CAPZB: variants seen among roughly 807,000 people sequenced by gnomAD.
CAPZB encodes capping actin protein of muscle Z-line subunit beta.
In CAPZB, 2 loss-of-function variants were observed where a neutral mutation model predicts 38.1. That is an observed-to-expected ratio of 0.05 (90% CI 0.02 to 0.17). CAPZB has a LOEUF of 0.17. Among genes scored for constraint, CAPZB ranks in the 10% least tolerant of loss-of-function variants. The probability of loss-of-function intolerance (pLI) is 1.00; values close to 1 mark genes in which losing one functional copy is unlikely to be tolerated. For synonymous variants in CAPZB, 107 were observed against 127.4 expected (o/e 0.84, Z 1.08); for missense variants, 161 against 334.2 (o/e 0.48, Z 4.04).
Position 19,357,174 on chromosome 1 carries a change from T to C in CAPZB, c.471+248A>G, listed in dbSNP as rs1403947768. ...GCCACCGTACCTGGCCTCACAATAT[T>C]GTCTTTCTTAAAAAATCTCAACTGG... On this transcript the variant is annotated intron_variant, in intron 5 of 8. Transcript: ENST00000264202. This position sits in a 1 kb window ranked among gnomAD's most constrained non-coding sequence, Gnocchi z 4.3. Among the ~76,000 whole-genome samples the C allele has an allele frequency of 6.6e-6, 1 of 152,204 alleles. No individual in the cohort carries two copies. The highest frequency in any genetic ancestry group is 1.5e-5 in the Non-Finnish European group (1 of 68,034).
chr1:19,439,475 T>C lies in CAPZB; in HGVS notation c.4-19725A>G, dbSNP rs2094468747. Among the ~76,000 whole-genome samples the C allele has an allele frequency of 2.0e-5, 3 of 152,206 alleles. 1 individual carries two copies. In the South Asian group the frequency reaches 6.2e-4, roughly 32 times the overall value. ...CCCCCGTATGAAATCCCTAAAGCACTAGGTGTTTTGACCCCTGCTTGATCT... is the reference window on the plus strand; with the variant it reads ...CCCCCGTATGAAATCCCTAAAGCACCAGGTGTTTTGACCCCTGCTTGATCT... On this transcript the variant is annotated intron_variant, in intron 1 of 8. Transcript: ENST00000264202.
rs373668258 is a variant in CAPZB at position 19,357,401 on chromosome 1, C to G, written c.471+21G>C. 3.6e-4 allele frequency: 581 copies of G among 1,613,018 alleles called. 3 individuals carry two copies. The African/African-American group carries it at 6.9e-3, about 19-fold the overall frequency. On this transcript the variant is annotated intron_variant, in intron 5 of 8. Transcript: ENST00000264202. The surrounding 1 kb of genome is among the most constrained non-coding windows in gnomAD (Gnocchi z 4.3). ...CATCTGTACTTAGTGGCCCGGGCCA[C>G]CAGCTGCTGGGAGGCAGTACCTGCA...
At chr1:19,379,464 C>T (rs1057001446) in intron 3 of CAPZB, among the ~76,000 whole-genome samples, 1 of 152,182 alleles carries the variant, frequency 6.6e-6, no homozygotes, top group African/African-American at 2.4e-5. Flanking sequence ...GGAGGCTCTA[C>T]ATAAACTTTA....
chr1:19,448,440 G>A (rs995331944), intron 1 of CAPZB, among the ~76,000 whole-genome samples: 5 of 152,160 alleles, frequency 3.3e-5, no homozygotes, highest in South Asian at 2.1e-4. Flanking sequence ...TCTGACAACC[G>A]CCTTAATCCA....
At chr1:19,455,872 G>A (rs1441529491) in intron 1 of CAPZB, among the ~76,000 whole-genome samples, 1 of 152,156 alleles carries the variant, frequency 6.6e-6, no homozygotes, top group Non-Finnish European at 1.5e-5. Context: ...GGAAAAACAA[G>A]GGCCAGTTTC....
In CAPZB at chr1:19,485,468, C is replaced by T. The variant is rs964076375; in HGVS notation, c.-30G>A. The T allele has an allele frequency of 2.4e-6, 3 of 1,229,974 alleles. No individual in the cohort carries two copies. The highest frequency in any genetic ancestry group is 1.6e-5 in the African/African-American group (1 of 64,116). 76.2% of individuals were successfully genotyped at this position (1,229,974 alleles called of 1,614,324 possible). Reference sequence around the variant, plus strand: ...GCGGCGGCGGCGGCGGTCCCGGTCCCGGCGTCAGTGGCTCTCCCCCCCGCA... The same window carrying T: ...GCGGCGGCGGCGGCGGTCCCGGTCCTGGCGTCAGTGGCTCTCCCCCCCGCA... On this transcript the variant is annotated 5_prime_UTR_variant, in exon 1 of 9. Transcript: ENST00000264202.
rs146688204 is a variant in CAPZB at position 19,456,581 on chromosome 1, C to T, written c.3+28855G>A. 4.1e-3 allele frequency among the ~76,000 whole-genome samples: 620 copies of T among 152,176 alleles called. 9 individuals carry two copies. The highest frequency in any genetic ancestry group is 0.014 in the African/African-American group (601 of 41,494). Reference sequence around the variant, plus strand: ...GCAGAACTATCCCCCTACCCATGCACGATTCCCCCGTACAGAAAAAAATTC... The same window carrying T: ...GCAGAACTATCCCCCTACCCATGCATGATTCCCCCGTACAGAAAAAAATTC... On this transcript the variant is annotated intron_variant, in intron 1 of 8. Coordinates refer to ENST00000264202, the MANE Select transcript of CAPZB (RefSeq NM_004930.5).
intron 1 of CAPZB, among the ~76,000 whole-genome samples, chr1:19,442,933 G>T (rs9651017): frequency 0.44 from 66,916 of 151,834 alleles, 15,180 homozygotes; most frequent in African/African-American, 0.54. Context: ...GGTGCTGAAG[G>T]AGGCCTTCGC....
chr1:19,364,927 G>C (rs1207479720), intron 4 of CAPZB, among the ~76,000 whole-genome samples: 1 of 151,578 alleles, frequency 6.6e-6, no homozygotes, highest in Non-Finnish European at 1.5e-5. Context: ...GCTCATTGCA[G>C]CCTCGACATT....
chr1:19,439,726 T>TGC, intron 1 of CAPZB, among the ~76,000 whole-genome samples: 1 of 152,380 alleles, frequency 6.6e-6, no homozygotes, highest in East Asian at 1.9e-4. Context: ...CTCCCAGCTC[T>TGC]GCTGTGTCCT....
rs71008151 is a variant in CAPZB at position 19,366,283 on chromosome 1, A to AATAAATAT, written c.330-8721_330-8720insATATTTAT. 7.8e-3 allele frequency among the ~76,000 whole-genome samples: 474 copies of AATAAATAT among 60,482 alleles called. 19 individuals carry two copies. Among genetic ancestry groups the AATAAATAT allele is most frequent in the Middle Eastern group, 0.036 (5 of 138 alleles). 39.7% of individuals were successfully genotyped at this position (60,482 alleles called of 152,430 possible). A position where few individuals can be genotyped will look rare whatever the true frequency, so the allele number is the denominator to read the frequency against. ...GCAACATAGTGAGACCGTGTCTTAA[A>AATAAATAT]ATATATATATATATATATATATATA... On this transcript the variant is annotated intron_variant, in intron 4 of 8. Coordinates refer to ENST00000264202, the MANE Select transcript of CAPZB (RefSeq NM_004930.5).
At chr1:19,351,008 A>G (rs1263991259) in intron 6 of CAPZB, among the ~76,000 whole-genome samples, 2 of 139,672 alleles carry the variant, frequency 1.4e-5, no homozygotes, top group African/African-American at 2.7e-5. Context: ...TTTGAGATGG[A>G]GTCTTGCTCT....
intron 1 of CAPZB, among the ~76,000 whole-genome samples, chr1:19,436,524 G>A (rs2094458706): frequency 6.6e-6 from 1 of 152,140 alleles, no homozygotes; most frequent in South Asian, 2.1e-4. Context: ...AAGATCTATG[G>A]TAAGAATGAG....
chr1:19,350,552 A>C (rs1260482256), intron 6 of CAPZB, among the ~76,000 whole-genome samples: 3 of 152,198 alleles, frequency 2.0e-5, no homozygotes, highest in Admixed American at 1.3e-4. Flanking sequence ...GAAAATTTTG[A>C]ATCTAGAATT....
chr1:19,389,591 C>A (rs1002021401), intron 2 of CAPZB, among the ~76,000 whole-genome samples: 1 of 152,048 alleles, frequency 6.6e-6, no homozygotes, highest in Non-Finnish European at 1.5e-5. Context: ...CCACGCCCAG[C>A]TAATTTTTCT....
chr1:19,466,880 C>T (rs1335629076), intron 1 of CAPZB, among the ~76,000 whole-genome samples: 4 of 152,014 alleles, frequency 2.6e-5, no homozygotes, highest in Non-Finnish European at 2.9e-5. Context: ...GGCTAGATAG[C>T]GGTGTTAGGC....
chr1:19,383,574 T>C (rs1217992052), intron 3 of CAPZB, among the ~76,000 whole-genome samples: 1 of 152,126 alleles, frequency 6.6e-6, no homozygotes, highest in Non-Finnish European at 1.5e-5. Context: ...GGACAGCACC[T>C]GGACGCCATG....
chr1:19,339,819 C>A (rs150974076), intron 8 of CAPZB, among the ~76,000 whole-genome samples: 1 of 152,238 alleles, frequency 6.6e-6, no homozygotes, highest in East Asian at 1.9e-4. Context: ...ACCCTCTGCA[C>A]CTTGCCAGGC....
At chr1:19,401,606 T>C (rs1470167286) in intron 2 of CAPZB, among the ~76,000 whole-genome samples, 2 of 152,126 alleles carry the variant, frequency 1.3e-5, no homozygotes, top group Admixed American at 6.5e-5. Flanking sequence ...GTGGATCCTC[T>C]CCTTCCTAGG....
Sources: allele counts gnomAD v4.1 joint callset (sites outside exome capture counted in the v4.1 genomes callset), GRCh38; gene constraint gnomAD v4.1.1; non-coding constraint Gnocchi (gnomAD v3.1); transcripts MANE v1.5; gene names NCBI Gene and HGNC (gene_info 2026-07-23, HGNC 2026-07-21).